Variants in GYS2 observed in about 807,000 individuals in gnomAD.
GYS2 encodes the protein glycogen [starch] synthase, liver.
GYS2 carries 80 observed loss-of-function variants against 85.6 expected under a neutral mutation model. The ratio of observed to expected loss-of-function variants is 0.93; its 90% CI spans 0.78 to 1.13. GYS2 has a LOEUF of 1.13. Ranked by LOEUF, GYS2 falls within the 50% of genes most tolerant of loss-of-function variation. GYS2 has a pLI of 0.00. For synonymous variants in GYS2, 328 were observed against 300.7 expected, an observed-to-expected ratio of 1.09 and a Z score of -0.94; for missense variants, 881 against 854.9, an observed-to-expected ratio of 1.03 and a Z score of -0.38.
At chr12:21,582,875 T>C (rs1393929802) in intron 1 of GYS2, among the ~76,000 whole-genome samples, 2 of 152,206 alleles carry the variant, frequency 1.3e-5, no homozygotes. Context: ...AATAAATGCA[T>C]TTGACACTCT....
At chr12:21,561,589 T>C (rs1016400604) in intron 7 of GYS2, among the ~76,000 whole-genome samples, 18 of 152,314 alleles carry the variant, frequency 1.2e-4, no homozygotes, top group African/African-American at 4.1e-4. Flanking sequence ...AGTATAATAG[T>C]AATCAGTCTT....
chr12:21,597,609 AT>A (rs1285685923), intron 1 of GYS2, among the ~76,000 whole-genome samples: 1 of 152,138 alleles, frequency 6.6e-6, no homozygotes, highest in African/African-American at 2.4e-5. Context: ...AAGCATGCAA[AT>A]TAGTATAGCC....
chr12:21,586,415 A>G (rs1465990906), intron 1 of GYS2, among the ~76,000 whole-genome samples: 1 of 130,166 alleles, frequency 7.7e-6, no homozygotes, highest in Non-Finnish European at 1.7e-5. Flanking sequence ...TTATATCTAA[A>G]TCTATATCTA....
At chr12:21,597,434 G>C (rs1240804887) in intron 1 of GYS2, among the ~76,000 whole-genome samples, 1 of 152,002 alleles carries the variant, frequency 6.6e-6, no homozygotes, top group Non-Finnish European at 1.5e-5. Flanking sequence ...CAATGGGTAT[G>C]GGGAAATTGC....
intron 15 of GYS2, among the ~76,000 whole-genome samples, chr12:21,538,450 T>C (rs1477105025): frequency 3.9e-5 from 6 of 152,210 alleles, no homozygotes; most frequent in South Asian, 4.1e-4. Context: ...ATGACTCTTA[T>C]AAGATGACTC....
chr12:21,537,204 A>G (rs1284726900), intron 15 of GYS2, 29 bp from the exon 16 acceptor site: 8 of 1,489,716 alleles, frequency 5.4e-6, no homozygotes, highest in Non-Finnish European at 7.5e-6. Flanking sequence ...AGACATAAAC[A>G]TCACAACAGT....
Position 21,559,659 on chromosome 12 carries a change from T to A in GYS2, c.1221A>T (p.Ala407=), listed in dbSNP as rs767928133. ...GCATTTCAAGCACCTACCTTAATAATGCATCATAGAGTTTTTTTCCAAACT... is the reference window on the plus strand; with the variant it reads ...GCATTTCAAGCACCTACCTTAATAAAGCATCATAGAGTTTTTTTCCAAACT... ...KEKFGKKLYD[A]LLRGEIPDLN... The change falls in exon 9 of 16, where the codon GCA becomes GCT. Residue 407 remains alanine, a synonymous_variant. Coordinates refer to ENST00000261195, the MANE Select transcript of GYS2 (RefSeq NM_021957.4). 5 of 1,554,602 alleles carry A rather than the reference T, an allele frequency of 3.2e-6. No homozygotes were observed. The South Asian group carries it at 5.6e-5, about 17-fold the overall frequency.
chr12:21,598,226 C>T (rs531175509), intron 1 of GYS2, among the ~76,000 whole-genome samples: 12 of 152,028 alleles, frequency 7.9e-5, no homozygotes, highest in East Asian at 3.9e-4. Flanking sequence ...CACATAGAAA[C>T]GATAAATACT....
rs748862449 is a variant in GYS2, at chr12:21,580,405, C to T, written c.240G>A (p.Gln80=). The T allele has an allele frequency of 5.6e-6, 9 of 1,613,740 alleles. No homozygotes were observed. The highest frequency in any genetic ancestry group is 1.3e-5 in the African/African-American group (1 of 74,918). ...TGACAGCATCATTTACAGGTTCACA[C>T]TGTTCCACCTGAGTCTTCATATTAT... is the stretch of plus-strand genomic sequence containing the variant. ...FEHNMKTQVE[Q]CEPVNDAVRR... Residue 80 remains glutamine, a synonymous_variant, in exon 2 of 16, where the codon CAG becomes CAA. Coordinates refer to ENST00000261195, the MANE Select transcript of GYS2 (RefSeq NM_021957.4).
chr12:21,604,415 A>G (rs928457800), intron 1 of GYS2, 57 bp downstream of exon 1: 1 of 1,020,568 alleles, frequency 9.8e-7, no homozygotes, highest in Non-Finnish European at 1.6e-6. Context: ...ATCTTACTCT[A>G]CATTCCTCAG....
rs776868890 is a variant in GYS2, at chr12:21,568,977, C to A, written c.711G>T (p.Gln237His). 1 of 1,614,136 alleles carries A rather than the reference C, an allele frequency of 6.2e-7. No individual in the cohort carries two copies. The highest frequency in any genetic ancestry group is 2.2e-5 in the East Asian group (1 of 44,882). The change falls in exon 5 of 16, where the codon CAG becomes CAT. Residue 237 changes from glutamine (Q) to histidine (H), a missense_variant. Transcript: ENST00000261195. ...GCTCCATGCAGTACCGGTGGTAAAT[C>A]TGCCTTTCCCCAGCCTCTTTGTCAA... is the stretch of plus-strand genomic sequence containing the variant. ...FNIDKEAGER[Q>H]IYHRYCMERA...
chr12:21,588,778 C>T (rs1262519022), intron 1 of GYS2, among the ~76,000 whole-genome samples: 3 of 152,220 alleles, frequency 2.0e-5, no homozygotes, highest in Non-Finnish European at 4.4e-5. Context: ...AAATTGATGT[C>T]ATCTACTACA....
chr12:21,555,783 C>G (rs1428323680), intron 11 of GYS2, among the ~76,000 whole-genome samples: 1 of 152,158 alleles, frequency 6.6e-6, no homozygotes, highest in Non-Finnish European at 1.5e-5. Context: ...CTCTCATTCT[C>G]CTAGGCTGCA....
In GYS2 at chr12:21,558,265, T is replaced by C; in HGVS notation, c.1357A>G (p.Thr453Ala). The stretch of plus-strand genomic sequence containing the variant: ...CTAATGGTGCTGAGGATGGGGTCGG[T>C]GGAGTCATCAATCATGTTGTGCGTG... ...VTTHNMIDDS[T>A]DPILSTIRRI... The change falls in exon 11 of 16, where the codon ACC (threonine) becomes GCC (alanine). Residue 453 changes from threonine to alanine, a missense_variant. By Grantham distance (58) the Thr-to-Ala change is moderately conservative. Transcript: ENST00000261195. The C allele has an allele frequency of 6.2e-7, 1 of 1,614,018 alleles. No individual in the cohort carries two copies. Among genetic ancestry groups the C allele is most frequent in the East Asian group, 2.2e-5 (1 of 44,874 alleles).
At position 21,546,403 on chromosome 12, in the gene GYS2, A is replaced by C; in HGVS notation, c.1490T>G (p.Val497Gly). Residue 497 changes from valine to glycine, a missense_variant, in exon 12 of 16, where the codon GTT becomes GGT. Transcript: ENST00000261195. ...PLLPMDYEEFVRGCHLGVFPS... is the reference protein window; with the variant it reads ...PLLPMDYEEFGRGCHLGVFPS... ...AAATACTCCAAGATGACAACCTCTA[A>C]CAAACTCTTCATAGTCCATGGGTAG... 6.3e-7 allele frequency: 1 copy of C among 1,599,502 alleles called. No homozygotes were observed. Among genetic ancestry groups the C allele is most frequent in the South Asian group, 1.1e-5 (1 of 90,702 alleles).
chr12:21,567,531 GTTTT>G, intron 5 of GYS2, among the ~76,000 whole-genome samples: 1 of 128,312 alleles, frequency 7.8e-6, no homozygotes, highest in Admixed American at 8.0e-5. Flanking sequence ...GTTCTATCTT[GTTTT>G]TTTTTTTTTT....
intron 12 of GYS2, 97 bp from the exon 13 acceptor site, chr12:21,542,688 G>T: frequency 1.3e-6 from 1 of 761,330 alleles, no homozygotes; most frequent in African/African-American, 1.7e-5. Flanking sequence ...CCTAAGAATA[G>T]CAATGTTCAC....
downstream of GYS2, among the ~76,000 whole-genome samples, chr12:21,533,636 C>T (rs181770509): frequency 1.3e-5 from 2 of 152,268 alleles, no homozygotes; most frequent in East Asian, 3.9e-4. Context: ...AACTAGTCCC[C>T]CTCCTGAGTC....
At chr12:21,587,999 C>T (rs992178192) in intron 1 of GYS2, among the ~76,000 whole-genome samples, 9 of 152,046 alleles carry the variant, frequency 5.9e-5, no homozygotes, top group African/African-American at 1.9e-4. Context: ...GGATATTTCC[C>T]GTGACAGCAC....
Sources: gnomAD v4.1 joint callset for allele counts (sites outside exome capture counted in the v4.1 genomes callset) on GRCh38, gnomAD v4.1.1 for gene constraint, MANE v1.5 for transcripts, NCBI Gene and HGNC (gene_info 2026-07-23, HGNC 2026-07-21) for gene names.